Variants in PPFIBP2 observed in about 807,000 individuals in gnomAD.
PPFIBP2 encodes the protein liprin-beta-2.
A neutral mutation model predicts 118.3 loss-of-function variants in PPFIBP2; 118 were observed. The ratio of observed to expected loss-of-function variants is 1.00; its 90% CI spans 0.86 to 1.16. The LOEUF (loss-of-function observed/expected upper bound fraction) is 1.16. Among genes scored for constraint, PPFIBP2 ranks in the 50% most tolerant of loss-of-function variants. The pLI is 0.00. For synonymous variants in PPFIBP2, 414 were observed against 397.4 expected (o/e 1.04, Z -0.50); for missense variants, 1,195 against 1,073.1 (o/e 1.11, Z -1.59).
chr11:7,587,248 C>G (rs1858379977), intron 3 of PPFIBP2, among the ~76,000 whole-genome samples: 1 of 152,204 alleles, frequency 6.6e-6, no homozygotes, highest in Non-Finnish European at 1.5e-5. Flanking sequence ...CTCCCTGTGC[C>G]ACAAAGTAGA....
At chr11:7,578,525 C>T (rs1193817355) in intron 3 of PPFIBP2, among the ~76,000 whole-genome samples, 2 of 152,206 alleles carry the variant, frequency 1.3e-5, no homozygotes, top group South Asian at 2.1e-4. Context: ...AGCACTCATT[C>T]AGCAAATCTG....
At chr11:7,523,279 T>A (rs1849927007) in intron 1 of PPFIBP2, among the ~76,000 whole-genome samples, 1 of 152,178 alleles carries the variant, frequency 6.6e-6, no homozygotes, top group African/African-American at 2.4e-5. Context: ...GATGGAGTCT[T>A]GTCTTTGTCA....
chr11:7,641,641 C>T, intron 16 of PPFIBP2, 21 bp downstream of exon 16: 1 of 1,611,204 alleles, frequency 6.2e-7, no homozygotes, highest in Non-Finnish European at 8.5e-7. Flanking sequence ...GCCGTTGATC[C>T]TAATTATATT....
chr11:7,664,362 C>G, the PPFIBP2 span, among the ~76,000 whole-genome samples: 9 of 152,194 alleles, frequency 5.9e-5, no homozygotes, highest in African/African-American at 1.9e-4. Context: ...TAGGCTAGAG[C>G]AGGGTTTCCT....
intron 1 of PPFIBP2, among the ~76,000 whole-genome samples, chr11:7,528,167 G>A (rs769144293): frequency 4.5e-4 from 69 of 152,150 alleles, no homozygotes; most frequent in Non-Finnish European, 1.5e-4. Flanking sequence ...TGTTCTTACC[G>A]TATTTAGGCA....
intron 1 of PPFIBP2, among the ~76,000 whole-genome samples, chr11:7,516,453 G>T (rs1259000848): frequency 6.6e-6 from 1 of 152,180 alleles, no homozygotes; most frequent in African/African-American, 2.4e-5. Flanking sequence ...CTTTGGGCCT[G>T]AGGAATGGTA....
At chr11:7,645,539 C>CAA (rs575857086) in intron 17 of PPFIBP2, among the ~76,000 whole-genome samples, 40 of 152,162 alleles carry the variant, frequency 2.6e-4, no homozygotes, top group Non-Finnish European at 4.6e-4. Context: ...CTGTCATCTC[C>CAA]AAATTATTTC....
intron 1 of PPFIBP2, 58 bp from the exon 2 acceptor site, chr11:7,549,382 G>C: frequency 6.9e-7 from 1 of 1,450,054 alleles, no homozygotes; most frequent in East Asian, 2.5e-5. Context: ...TTGCGATCTT[G>C]TGTGCGTAAC....
chr11:7,666,469 G>A, the PPFIBP2 span: 5 of 1,612,498 alleles, frequency 3.1e-6, no homozygotes, highest in Non-Finnish European at 4.2e-6. Flanking sequence ...GGCCTGTCCA[G>A]GGTGTACCAC....
chr11:7,647,059 C>A (rs1853198498), intron 17 of PPFIBP2, among the ~76,000 whole-genome samples: 2 of 152,102 alleles, frequency 1.3e-5, no homozygotes, highest in African/African-American at 4.8e-5. Context: ...AGTCCCTGCC[C>A]CAGGGTATAC....
the PPFIBP2 span, among the ~76,000 whole-genome samples, chr11:7,663,519 C>T: frequency 1.2e-4 from 18 of 152,324 alleles, no homozygotes; most frequent in Admixed American, 5.9e-4. Context: ...AGATCTGCAG[C>T]TGCGAGCTGG....
chr11:7,628,890 G>A (rs913122493), intron 9 of PPFIBP2, among the ~76,000 whole-genome samples: 3 of 152,178 alleles, frequency 2.0e-5, no homozygotes, highest in Non-Finnish European at 4.4e-5. Context: ...GACTCAGAGT[G>A]CTTAAGTAAT....
rs1434643686 is a variant in PPFIBP2, at chr11:7,616,635, G to A, written c.619-4300G>A. ...AGGCATATTGATGCCTGAGTTCAGG[G>A]TTTGGGTACATATTGTCATGGATAA... is the stretch of plus-strand genomic sequence containing the variant. On this transcript the variant is annotated intron_variant, in intron 6 of 23. Transcript: ENST00000299492. The surrounding 1 kb of genome is among the most constrained non-coding windows in gnomAD (Gnocchi z 5.2). 6.6e-6 allele frequency among the ~76,000 whole-genome samples: 1 copy of A among 152,180 alleles called. No homozygotes were observed. Among genetic ancestry groups the A allele is most frequent in the Admixed American group, 6.5e-5 (1 of 15,280 alleles).
intron 1 of PPFIBP2, among the ~76,000 whole-genome samples, chr11:7,538,950 C>T (rs117550200): frequency 3.9e-5 from 6 of 152,254 alleles, no homozygotes; most frequent in East Asian, 1.9e-4. Context: ...ACCTTGTATG[C>T]GCCAAATATT....
In PPFIBP2 at chr11:7,612,651, G is replaced by A. The variant is rs1336914119; in HGVS notation, c.618+2229G>A. 5.9e-5 allele frequency among the ~76,000 whole-genome samples: 9 copies of A among 152,134 alleles called. No homozygotes were observed. The South Asian group carries it at 8.3e-4, about 14-fold the overall frequency. On this transcript the variant is annotated intron_variant, in intron 6 of 23. Transcript: ENST00000299492. ...TCAGTCTGTTCATACATAAGGCGAC[G>A]TAGACCCTGAGTGTCTGGCCTCAGT...
At chr11:7,523,473 G>A (rs1471297555) in intron 1 of PPFIBP2, among the ~76,000 whole-genome samples, 1 of 152,306 alleles carries the variant, frequency 6.6e-6, no homozygotes, top group South Asian at 2.1e-4. Flanking sequence ...GCTTTGTAGT[G>A]GGGTCTTGCC....
intron 5 of PPFIBP2, among the ~76,000 whole-genome samples, chr11:7,606,581 G>T (rs1374306674): frequency 7.9e-5 from 12 of 152,342 alleles, no homozygotes; most frequent in African/African-American, 2.9e-4. Flanking sequence ...ATGAAATTAA[G>T]CAACCTCAGG....
At chr11:7,660,070 G>A (rs1425374122), downstream of PPFIBP2, among the ~76,000 whole-genome samples, 1 of 123,906 alleles carries the variant, frequency 8.1e-6, no homozygotes, top group East Asian at 2.0e-4. Flanking sequence ...GGGTTTTCTA[G>A]ATATACAATC....
chr11:7,593,875 CCAG>C (rs1859799804), intron 4 of PPFIBP2, among the ~76,000 whole-genome samples: 1 of 152,084 alleles, frequency 6.6e-6, no homozygotes, highest in South Asian at 2.1e-4. Context: ...AGAAGCAGGC[CCAG>C]CACTTTGCTG....
Sources: gnomAD v4.1 joint callset for allele counts (sites outside exome capture counted in the v4.1 genomes callset) on GRCh38, gnomAD v4.1.1 for gene constraint, Gnocchi (gnomAD v3.1) non-coding constraint, MANE v1.5 for transcripts, NCBI Gene and HGNC (gene_info 2026-07-23, HGNC 2026-07-21) for gene names.